MBOAT2: variants seen among roughly 807,000 people sequenced by gnomAD.
MBOAT2 encodes membrane-bound glycerophospholipid O-acyltransferase 2.
In MBOAT2, 28 loss-of-function variants were observed where a neutral mutation model predicts 63.4. The ratio of observed to expected loss-of-function variants is 0.44; its 90% CI spans 0.33 to 0.61. MBOAT2 has a LOEUF of 0.61. Ranked by LOEUF, MBOAT2 falls within the 20% of genes least tolerant of loss-of-function variation. MBOAT2 has a pLI of 0.03. For missense variants in MBOAT2, 470 were observed against 605.8 expected (o/e 0.78, Z 2.35); for synonymous variants, 211 against 215.6 (o/e 0.98, Z 0.19).
chr2:8,993,387 C>T (rs976688994), intron 1 of MBOAT2, among the ~76,000 whole-genome samples: 2 of 152,190 alleles, frequency 1.3e-5, no homozygotes, highest in African/African-American at 2.4e-5. Flanking sequence ...CAAGACTCCA[C>T]AGCAGTAAGA....
At chr2:8,988,785 AAGG>A (rs1671732220) in intron 1 of MBOAT2, among the ~76,000 whole-genome samples, 1 of 152,218 alleles carries the variant, frequency 6.6e-6, no homozygotes, top group South Asian at 2.1e-4. Flanking sequence ...AATGAATTAA[AAGG>A]AGAACAATTA....
chr2:8,939,456 C>T (rs1015944486), intron 3 of MBOAT2, among the ~76,000 whole-genome samples: 3 of 152,072 alleles, frequency 2.0e-5, no homozygotes, highest in Non-Finnish European at 2.9e-5. Flanking sequence ...AGTGGGAGCA[C>T]GGGGGAAAGA....
At chr2:8,904,501 G>A (rs1665192246) in intron 4 of MBOAT2, among the ~76,000 whole-genome samples, 1 of 151,748 alleles carries the variant, frequency 6.6e-6, no homozygotes, top group African/African-American at 2.4e-5. Context: ...TGTAGAGATG[G>A]GGTTTCACCA....
intron 6 of MBOAT2, among the ~76,000 whole-genome samples, chr2:8,878,265 A>C (rs747090729): frequency 1.3e-4 from 20 of 152,186 alleles, no homozygotes; most frequent in Non-Finnish European, 2.8e-4. Flanking sequence ...TTAACACAGG[A>C]GACTATTTAG....
chr2:8,995,737 C>T (rs1396540881), intron 1 of MBOAT2, among the ~76,000 whole-genome samples: 2 of 152,048 alleles, frequency 1.3e-5, no homozygotes, highest in East Asian at 3.9e-4. Flanking sequence ...ACCACGGGCA[C>T]CCGCCACCAT....
intron 3 of MBOAT2, among the ~76,000 whole-genome samples, chr2:8,932,992 G>T (rs1384029127): frequency 6.6e-6 from 1 of 152,092 alleles, no homozygotes; most frequent in African/African-American, 2.4e-5. Flanking sequence ...ACCAAAAGTT[G>T]AAAAAATACC....
chr2:8,893,928 A>G (rs919997906), intron 4 of MBOAT2, among the ~76,000 whole-genome samples: 5 of 152,190 alleles, frequency 3.3e-5, no homozygotes, highest in African/African-American at 4.8e-5. Context: ...GCCTGTCACC[A>G]GCTTCTCAGC....
chr2:9,003,487 G>A lies in MBOAT2; in HGVS notation c.75+53C>T. ...GGGCCCCCGGTCGGGTGGCACCGCGGCGGGGAGGGGCGGCGAGGGCGCGAC... is the reference window on the plus strand; with the variant it reads ...GGGCCCCCGGTCGGGTGGCACCGCGACGGGGAGGGGCGGCGAGGGCGCGAC... On this transcript the variant is annotated intron_variant, in intron 1 of 12. Transcript: ENST00000305997. This position sits in a 1 kb window ranked among gnomAD's most constrained non-coding sequence, Gnocchi z 5.4. 5.3e-6 allele frequency: 6 copies of A among 1,130,344 alleles called. No individual in the cohort carries two copies. The highest frequency in any genetic ancestry group is 6.6e-6 in the Non-Finnish European group (6 of 914,474). 70.0% of individuals were successfully genotyped at this position (1,130,344 alleles called of 1,614,324 possible).
intron 6 of MBOAT2, among the ~76,000 whole-genome samples, chr2:8,880,072 G>A (rs1216960310): frequency 6.6e-6 from 1 of 151,958 alleles, no homozygotes; most frequent in Non-Finnish European, 1.5e-5. Flanking sequence ...GGAAGCCACT[G>A]GAGGATTTTC....
intron 4 of MBOAT2, among the ~76,000 whole-genome samples, chr2:8,905,728 A>C (rs574096938): frequency 1.2e-4 from 18 of 152,326 alleles, no homozygotes; most frequent in African/African-American, 4.1e-4. Flanking sequence ...TGGGTGCAGC[A>C]AACCAACATG....
chr2:8,934,800 T>TC (rs1315619694), intron 3 of MBOAT2, among the ~76,000 whole-genome samples: 3 of 151,698 alleles, frequency 2.0e-5, no homozygotes, highest in Admixed American at 1.3e-4. Flanking sequence ...GTTAGTATTT[T>TC]CCCCAAAGAG....
chr2:8,981,547 C>T (rs943401850), intron 1 of MBOAT2, among the ~76,000 whole-genome samples: 2 of 152,100 alleles, frequency 1.3e-5, no homozygotes, highest in African/African-American at 4.8e-5. Context: ...TCAGAGAAGA[C>T]GATGCTCTCC....
At chr2:8,900,459 C>T (rs62104419) in intron 4 of MBOAT2, among the ~76,000 whole-genome samples, 7,562 of 152,180 alleles carry the variant, frequency 0.05, 189 homozygotes, top group Middle Eastern at 0.058. Flanking sequence ...GAAAACTTCC[C>T]CAGGTCTGCC....
chr2:8,888,948 G>A (rs924006073), intron 4 of MBOAT2, among the ~76,000 whole-genome samples: 16 of 152,346 alleles, frequency 1.1e-4, no homozygotes, highest in Admixed American at 7.2e-4. Flanking sequence ...AAACTATACT[G>A]AAGAACAATT....
chr2:8,931,290 C>A (rs1667302615), intron 3 of MBOAT2, among the ~76,000 whole-genome samples: 1 of 152,058 alleles, frequency 6.6e-6, no homozygotes, highest in South Asian at 2.1e-4. Flanking sequence ...TGATGTTGAG[C>A]TTTTTTTAAT....
chr2:8,885,448 A>G (rs1009945172), intron 5 of MBOAT2, among the ~76,000 whole-genome samples: 1 of 152,226 alleles, frequency 6.6e-6, no homozygotes, highest in Non-Finnish European at 1.5e-5. Flanking sequence ...CAAAACCCGA[A>G]TAAATCCAAA....
At chr2:8,971,939 T>C (rs1266837171) in intron 1 of MBOAT2, among the ~76,000 whole-genome samples, 1 of 152,198 alleles carries the variant, frequency 6.6e-6, no homozygotes. Context: ...ATGGCCATAC[T>C]GCCCAAGGTA....
rs56004479 is a variant in MBOAT2 at position 8,929,330 on chromosome 2, G to GTTCATTCA, written c.299+13849_299+13856dup. On this transcript the variant is annotated intron_variant, in intron 3 of 12. Coordinates refer to ENST00000305997, the MANE Select transcript of MBOAT2 (RefSeq NM_138799.4). ...CATGGCTCTTACATTTTATTTATTTGTTCATTCATTCATTCATTCATTCAT... is the reference window on the plus strand; with the variant it reads ...CATGGCTCTTACATTTTATTTATTTGTTCATTCATTCATTCATTCATTCATTCATTCAT... Among the ~76,000 whole-genome samples the GTTCATTCA allele has an allele frequency of 1.3e-3, 197 of 151,492 alleles. 1 individual carries two copies. The highest frequency in any genetic ancestry group is 6.8e-3 in the Middle Eastern group (2 of 294).
rs1452378930 is a variant in MBOAT2, at chr2:8,958,534, G to A, written c.184C>T (p.Leu62Phe). The A allele has an allele frequency of 6.2e-7, 1 of 1,605,420 alleles. No individual in the cohort carries two copies. The highest frequency in any genetic ancestry group is 1.7e-5 in the Admixed American group (1 of 57,466). ...SSFIRHVVATLLGLYLALFCF... is the reference protein window; with the variant it reads ...SSFIRHVVATFLGLYLALFCF... Reference sequence around the variant, plus strand: ...AAAAGTGCAAGATAAAGGCCCAAAAGGGTAGCAACTACATGTCTTATAAAA... The same window carrying A: ...AAAAGTGCAAGATAAAGGCCCAAAAAGGTAGCAACTACATGTCTTATAAAA... The change falls in exon 2 of 13, where the codon CTT becomes TTT. Residue 62 changes from leucine to phenylalanine, a missense_variant. Coordinates refer to ENST00000305997, the MANE Select transcript of MBOAT2 (RefSeq NM_138799.4).
Sources: allele counts gnomAD v4.1 joint callset (sites outside exome capture counted in the v4.1 genomes callset), GRCh38; gene constraint gnomAD v4.1.1; non-coding constraint Gnocchi (gnomAD v3.1); transcripts MANE v1.5; gene names NCBI Gene and HGNC (gene_info 2026-07-23, HGNC 2026-07-21).